The following PCDH15 variants were observed in gnomAD, a reference collection of about 807,000 sequenced individuals.
PCDH15 encodes the protein protocadherin related 15, also known as protocadherin-15.
In PCDH15, 129 loss-of-function variants were observed where a neutral mutation model predicts 178.5. The observed-to-expected ratio is 0.72, with a 90% CI of 0.63 to 0.84. The LOEUF is 0.84. Ranked by LOEUF, PCDH15 falls within the 40% of genes least tolerant of loss-of-function variation. The pLI is 0.00. For synonymous variants in PCDH15, 800 were observed against 732.0 expected (o/e 1.09, Z -1.50); for missense variants, 2,230 against 2,099.9 (o/e 1.06, Z -1.21).
chr10:55,334,298 C>CTATA (rs748701046), intron 2 of PCDH15, among the ~76,000 whole-genome samples: 6 of 86,882 alleles, frequency 6.9e-5, no homozygotes, highest in East Asian at 2.9e-4. Context: ...GTGTATATAT[C>CTATA]TATATATATA....
chr10:54,355,768 C>T lies in PCDH15; in HGVS notation c.475-9284G>A, dbSNP rs147858457. On this transcript the variant is annotated intron_variant, in intron 5 of 37. Transcript: ENST00000644397. Reference sequence around the variant, plus strand: ...TATTACTGTCAGAAAAAAATTGGTTCTCAGCAAGCAAATTATTTAATAAAT... The same window carrying T: ...TATTACTGTCAGAAAAAAATTGGTTTTCAGCAAGCAAATTATTTAATAAAT... Among the ~76,000 whole-genome samples, 6 of 152,094 alleles carry T rather than the reference C, an allele frequency of 3.9e-5. No homozygotes were observed. The East Asian group carries it at 7.7e-4, about 20-fold the overall frequency.
chr10:54,007,996 T>TA (rs1166316199), intron 20 of PCDH15, among the ~76,000 whole-genome samples: 3 of 152,110 alleles, frequency 2.0e-5, no homozygotes, highest in African/African-American at 2.4e-5. Flanking sequence ...ATTCTTCTCT[T>TA]AAAAAAAGGA....
intron 15 of PCDH15, among the ~76,000 whole-genome samples, chr10:54,099,512 A>AT: frequency 3.7e-5 from 5 of 136,646 alleles, no homozygotes; most frequent in African/African-American, 1.4e-4. Flanking sequence ...AAAAAAAAAA[A>AT]AATATATATA....
At chr10:54,501,381 ATCTC>A (rs1324238163) in intron 3 of PCDH15, among the ~76,000 whole-genome samples, 9 of 152,236 alleles carry the variant, frequency 5.9e-5, no homozygotes, top group Middle Eastern at 3.4e-3. Flanking sequence ...AGACTAAATT[ATCTC>A]TCTAATTTGG....
Position 54,260,250 on chromosome 10 carries a change from G to T in PCDH15, c.877-23319C>A, listed in dbSNP as rs78891644. 1.9e-3 allele frequency among the ~76,000 whole-genome samples: 288 copies of T among 151,902 alleles called. 1 individual carries two copies. The highest frequency in any genetic ancestry group is 6.5e-3 in the African/African-American group (269 of 41,466). On this transcript the variant is annotated intron_variant, in intron 8 of 37. Transcript: ENST00000644397. ...AGAAGATTTTCCATGTGTTCTTTCT[G>T]GGAGAAACTATTTAAAAAGTCCATT...
At chr10:53,969,688 A>G (rs2089463990) in intron 21 of PCDH15, among the ~76,000 whole-genome samples, 1 of 152,224 alleles carries the variant, frequency 6.6e-6, no homozygotes, top group Non-Finnish European at 1.5e-5. Context: ...GTCAGAAGAG[A>G]GCAGGGGACA....
chr10:55,201,655 T>C (rs187320859), intron 1 of PCDH15, among the ~76,000 whole-genome samples: 1 of 152,240 alleles, frequency 6.6e-6, no homozygotes, highest in African/African-American at 2.4e-5. Context: ...CCACATACTA[T>C]TGATGTTCAT....
At chr10:55,383,830 T>C (rs1837592661) in intron 2 of PCDH15, among the ~76,000 whole-genome samples, 1 of 152,176 alleles carries the variant, frequency 6.6e-6, no homozygotes, top group African/African-American at 2.4e-5. Flanking sequence ...CCAGAAAATT[T>C]TCCTCTTATA....
intron 1 of PCDH15, among the ~76,000 whole-genome samples, chr10:55,285,546 A>AT (rs975719724): frequency 3.3e-5 from 5 of 151,260 alleles, no homozygotes; most frequent in Non-Finnish European, 5.9e-5. Context: ...TAGGATGTTC[A>AT]TTTTTTTTCT....
chr10:55,256,137 G>T (rs946160131), intron 1 of PCDH15, among the ~76,000 whole-genome samples: 7 of 151,980 alleles, frequency 4.6e-5, no homozygotes, highest in Admixed American at 3.9e-4. Context: ...TAAGGTGTAA[G>T]GAAGAGATCC....
chr10:54,778,348 A>G (rs1248012159), intron 1 of PCDH15, among the ~76,000 whole-genome samples: 1 of 152,094 alleles, frequency 6.6e-6, no homozygotes, highest in African/African-American at 2.4e-5. Flanking sequence ...TCTTGAGGAT[A>G]TGATGATTTC....
chr10:54,661,373 C>A (rs898493230), intron 2 of PCDH15, among the ~76,000 whole-genome samples: 2 of 151,762 alleles, frequency 1.3e-5, no homozygotes, highest in Non-Finnish European at 2.9e-5. Flanking sequence ...ACAACAAGAA[C>A]TATAAAACAC....
intron 2 of PCDH15, among the ~76,000 whole-genome samples, chr10:54,914,146 C>T (rs1464763314): frequency 6.6e-6 from 1 of 152,084 alleles, no homozygotes; most frequent in Non-Finnish European, 1.5e-5. Context: ...TATGATTTGG[C>T]TCTGTTTTCC....
At chr10:54,757,641 G>A (rs932021578) in intron 1 of PCDH15, among the ~76,000 whole-genome samples, 3 of 152,052 alleles carry the variant, frequency 2.0e-5, no homozygotes, top group Admixed American at 2.0e-4. Flanking sequence ...CCTTCTTTAT[G>A]GTAGTCACAG....
intron 1 of PCDH15, among the ~76,000 whole-genome samples, chr10:55,199,444 A>G (rs1484889526): frequency 6.6e-6 from 1 of 152,114 alleles, no homozygotes; most frequent in African/African-American, 2.4e-5. Flanking sequence ...GCCAATGCTC[A>G]TTTAAATAAG....
intron 25 of PCDH15, among the ~76,000 whole-genome samples, chr10:53,919,260 G>A (rs1052687081): frequency 2.0e-5 from 3 of 152,106 alleles, no homozygotes; most frequent in African/African-American, 7.2e-5. Context: ...CTGCCTACAA[G>A]AGGCATATTA....
At chr10:53,995,445 C>A in intron 21 of PCDH15, 4 of 835,354 alleles carry the variant, frequency 4.8e-6, no homozygotes, top group South Asian at 3.6e-5. Flanking sequence ...AAACAAAAAG[C>A]ATATTCTTTG....
intron 2 of PCDH15, among the ~76,000 whole-genome samples, chr10:55,036,796 A>T (rs972942343): frequency 6.6e-6 from 1 of 152,226 alleles, no homozygotes; most frequent in South Asian, 2.1e-4. Context: ...TTAAAAAACA[A>T]GCATATTGTT....
chr10:55,602,058 G>C lies in PCDH15; in HGVS notation c.-156+25567C>G, dbSNP rs545122422. ...CCGTGCACCAGCCAAAGCAGGGCGA[G>C]GCGTTGCCTCACTCGGGAGGCGCAA... On this transcript the variant is annotated intron_variant, in intron 2 of 5. Transcript: ENST00000613346. 6.7e-4 allele frequency among the ~76,000 whole-genome samples: 102 copies of C among 152,268 alleles called. 4 individuals carry two copies. The South Asian group carries it at 0.021, about 32-fold the overall frequency.
Sources: gnomAD v4.1 joint callset for allele counts (sites outside exome capture counted in the v4.1 genomes callset) on GRCh38, gnomAD v4.1.1 for gene constraint, MANE v1.5 for transcripts, NCBI Gene and HGNC (gene_info 2026-07-23, HGNC 2026-07-21) for gene names.